The following HS6ST3 variants were observed in gnomAD, a reference collection of about 807,000 sequenced individuals.
The protein encoded by HS6ST3 is heparan-sulfate 6-O-sulfotransferase 3.
In HS6ST3, 12 loss-of-function variants were observed where a neutral mutation model predicts 36.7. The ratio of observed to expected loss-of-function variants is 0.33; its 90% CI spans 0.21 to 0.53. The LOEUF is 0.53. Ranked by LOEUF, HS6ST3 falls within the 20% of genes least tolerant of loss-of-function variation. The pLI is 0.95. For missense variants in HS6ST3, 584 were observed against 640.9 expected (o/e 0.91, Z 0.96); for synonymous variants, 240 against 257.5 (o/e 0.93, Z 0.65).
At chr13:96,522,038 C>T (rs1182368107) in intron 1 of HS6ST3, among the ~76,000 whole-genome samples, 2 of 152,170 alleles carry the variant, frequency 1.3e-5, no homozygotes, top group Non-Finnish European at 2.9e-5. Flanking sequence ...CCCAGATATT[C>T]TGGTATGTTG....
intron 1 of HS6ST3, among the ~76,000 whole-genome samples, chr13:96,348,701 C>T (rs1366397228): frequency 6.6e-6 from 1 of 152,160 alleles, no homozygotes; most frequent in East Asian, 1.9e-4. Flanking sequence ...GTTGGAATAG[C>T]CCGGCTTCAG....
chr13:96,480,123 GTTTA>G (rs2055883243), intron 1 of HS6ST3, among the ~76,000 whole-genome samples: 1 of 152,056 alleles, frequency 6.6e-6, no homozygotes, highest in African/African-American at 2.4e-5. Flanking sequence ...TTGTTTGTTT[GTTTA>G]TTTAAGATGG....
intron 1 of HS6ST3, among the ~76,000 whole-genome samples, chr13:96,709,280 TC>T (rs1875504026): frequency 6.6e-6 from 1 of 152,202 alleles, no homozygotes; most frequent in African/African-American, 2.4e-5. Flanking sequence ...CAATTACACC[TC>T]TTTTGTTTAT....
At position 96,251,617 on chromosome 13, in the gene HS6ST3, G is replaced by C. The variant is rs922960712; in HGVS notation, c.707+160048G>C. ...CTTTTTCCTTCTAATGTTGGGCTTT[G>C]TTCTTTTTTCTTGAGATATAATGTT... is the stretch of plus-strand genomic sequence containing the variant. On this transcript the variant is annotated intron_variant, in intron 1 of 1. Transcript: ENST00000376705. Among the ~76,000 whole-genome samples the C allele has an allele frequency of 3.3e-5, 5 of 151,754 alleles. 1 individual carries two copies. Among genetic ancestry groups the C allele is most frequent in the Non-Finnish European group, 1.5e-5 (1 of 67,898 alleles).
At chr13:96,792,005 T>C (rs1035694258) in intron 1 of HS6ST3, among the ~76,000 whole-genome samples, 1 of 152,124 alleles carries the variant, frequency 6.6e-6, no homozygotes, top group African/African-American at 2.4e-5. Context: ...AATGTGTTCA[T>C]GCATATATAC....
In HS6ST3 at chr13:96,483,631, A is replaced by G. The variant is rs181036524; in HGVS notation, c.708-348859A>G. On this transcript the variant is annotated intron_variant, in intron 1 of 1. Coordinates refer to ENST00000376705, the MANE Select transcript of HS6ST3 (RefSeq NM_153456.4). ...ATTTGAAGTATGGAATCTGTGGCTCACTCTCACATTACTTATCACATTATA... is the reference window on the plus strand; with the variant it reads ...ATTTGAAGTATGGAATCTGTGGCTCGCTCTCACATTACTTATCACATTATA... Among the ~76,000 whole-genome samples the G allele has an allele frequency of 6.3e-3, 959 of 152,268 alleles. 16 individuals are homozygous for G. Among genetic ancestry groups the G allele is most frequent in the African/African-American group, 0.022 (896 of 41,552 alleles).
intron 1 of HS6ST3, among the ~76,000 whole-genome samples, chr13:96,791,766 GT>G (rs1035155230): frequency 6.6e-6 from 1 of 151,950 alleles, no homozygotes; most frequent in African/African-American, 2.4e-5. Context: ...AATGCCGTGT[GT>G]TTTAGATCTT....
intron 1 of HS6ST3, among the ~76,000 whole-genome samples, chr13:96,478,684 T>C (rs2055875727): frequency 6.6e-6 from 1 of 152,278 alleles, no homozygotes; most frequent in Non-Finnish European, 1.5e-5. Flanking sequence ...TGCCTCTCAC[T>C]CAGTGCCTGT....
chr13:96,409,056 G>A (rs1354916837), intron 1 of HS6ST3, among the ~76,000 whole-genome samples: 2 of 152,224 alleles, frequency 1.3e-5, no homozygotes. Context: ...GGGATTCTGA[G>A]TAAACTGTAA....
intron 1 of HS6ST3, among the ~76,000 whole-genome samples, chr13:96,458,791 T>C (rs1406902558): frequency 2.0e-5 from 3 of 151,944 alleles, no homozygotes; most frequent in African/African-American, 4.8e-5. Context: ...CTGATAAAAA[T>C]GAAGAGGTTT....
intron 1 of HS6ST3, among the ~76,000 whole-genome samples, chr13:96,630,378 C>G (rs1038013830): frequency 4.6e-5 from 7 of 152,138 alleles, no homozygotes; most frequent in African/African-American, 1.7e-4. Context: ...TAATTATTCG[C>G]TATGCTTGGG....
chr13:96,422,063 TAA>T (rs1419900915), intron 1 of HS6ST3, among the ~76,000 whole-genome samples: 3 of 152,362 alleles, frequency 2.0e-5, no homozygotes, highest in African/African-American at 2.4e-5. Context: ...TGATTCATTT[TAA>T]CACTATTTAT....
intron 1 of HS6ST3, among the ~76,000 whole-genome samples, chr13:96,291,823 A>C (rs911125707): frequency 3.9e-5 from 6 of 152,194 alleles, no homozygotes; most frequent in African/African-American, 1.4e-4. Flanking sequence ...TCAATGTAAA[A>C]TAATGATCTG....
At chr13:96,347,477 G>A (rs1055549545) in intron 1 of HS6ST3, among the ~76,000 whole-genome samples, 4 of 152,158 alleles carry the variant, frequency 2.6e-5, no homozygotes, top group Non-Finnish European at 4.4e-5. Flanking sequence ...GGGTGAAAGC[G>A]CCCTTGTGTG....
chr13:96,332,748 A>G lies in HS6ST3; in HGVS notation c.707+241179A>G, dbSNP rs183105123. Reference sequence around the variant, plus strand: ...CAGGAAATTGCTTAATATCTAAACCATGAACTGACTTGTGTAGTGTAGTGT... The same window carrying G: ...CAGGAAATTGCTTAATATCTAAACCGTGAACTGACTTGTGTAGTGTAGTGT... On this transcript the variant is annotated intron_variant, in intron 1 of 1. Transcript: ENST00000376705. 5.4e-4 allele frequency among the ~76,000 whole-genome samples: 82 copies of G among 152,370 alleles called. No individual in the cohort carries two copies. In the East Asian group the frequency reaches 5.6e-3, roughly 10 times the overall value.
intron 1 of HS6ST3, among the ~76,000 whole-genome samples, chr13:96,509,552 A>T (rs1594796618): frequency 6.6e-6 from 1 of 152,144 alleles, no homozygotes; most frequent in East Asian, 1.9e-4. Context: ...CAGTTTCATT[A>T]TTCTACATGT....
intron 1 of HS6ST3, among the ~76,000 whole-genome samples, chr13:96,494,515 A>C (rs1336303196): frequency 5.3e-5 from 8 of 151,790 alleles, no homozygotes; most frequent in Non-Finnish European, 2.9e-5. Context: ...CACGTTGTGC[A>C]CATGTACCCT....
intron 1 of HS6ST3, among the ~76,000 whole-genome samples, chr13:96,600,219 G>C (rs1014965608): frequency 4.0e-5 from 6 of 151,896 alleles, no homozygotes; most frequent in African/African-American, 1.4e-4. Context: ...TCAGTAGAGT[G>C]TCTAATGCTG....
At chr13:96,767,060 G>A (rs937043150) in intron 1 of HS6ST3, among the ~76,000 whole-genome samples, 12 of 152,084 alleles carry the variant, frequency 7.9e-5, no homozygotes, top group Non-Finnish European at 1.3e-4. Context: ...AATAAGTTAT[G>A]GTTAATGAAT....
Sources: allele counts gnomAD v4.1 joint callset (sites outside exome capture counted in the v4.1 genomes callset), GRCh38; gene constraint gnomAD v4.1.1; transcripts MANE v1.5; gene names NCBI Gene and HGNC (gene_info 2026-07-23, HGNC 2026-07-21).